VAC14: variants seen among roughly 807,000 people sequenced by gnomAD.
The protein encoded by VAC14 is VAC14 component of PIKFYVE complex, also known as protein VAC14 homolog.
In VAC14, 47 loss-of-function variants were observed where a neutral mutation model predicts 85.3. That is an observed-to-expected ratio of 0.55 (90% CI 0.44 to 0.70). The LOEUF (loss-of-function observed/expected upper bound fraction) is 0.70. VAC14 is among the 30% of genes least tolerant of loss of function. The pLI is 0.00. For missense variants in VAC14, 861 were observed against 1,004.3 expected (o/e 0.86, Z 1.93); for synonymous variants, 447 against 430.5 (o/e 1.04, Z -0.47).
intron 13 of VAC14, 53 bp from the exon 14 acceptor site, chr16:70,731,680 T>A: frequency 6.6e-7 from 1 of 1,507,934 alleles, no homozygotes; most frequent in East Asian, 2.4e-5. Flanking sequence ...GTCCACAGGG[T>A]GATGAGATCC....
At chr16:70,691,995 G>A in intron 18 of VAC14, 1 of 985,040 alleles carries the variant, frequency 1.0e-6, no homozygotes, top group Non-Finnish European at 1.2e-6. Flanking sequence ...TGCAAGCTGG[G>A]CGCGCTCCAT....
Position 70,772,134 on chromosome 16 carries a change from C to CGCTACT in VAC14, c.1129_1134dup (p.Ser377_Ser378dup). On this transcript the variant is annotated inframe_insertion, in exon 10 of 19. Coordinates refer to ENST00000261776, the MANE Select transcript of VAC14 (RefSeq NM_018052.5). Reference sequence around the variant, plus strand: ...CTGGCTGCAGTGAAGACACTGATGCCGCTACTGAAGCTGGAGTCACAGGAA... The same window carrying CGCTACT: ...CTGGCTGCAGTGAAGACACTGATGCCGCTACTGCTACTGAAGCTGGAGTCACAGGAA... 1 of 1,614,066 alleles carries CGCTACT rather than the reference C, an allele frequency of 6.2e-7. No homozygotes were observed. Among genetic ancestry groups the CGCTACT allele is most frequent in the Middle Eastern group, 1.7e-4 (1 of 6,024 alleles).
At chr16:70,750,514 G>A (rs1193781680) in intron 12 of VAC14, among the ~76,000 whole-genome samples, 1 of 152,178 alleles carries the variant, frequency 6.6e-6, no homozygotes, top group Non-Finnish European at 1.5e-5. Flanking sequence ...CATTGGTGGA[G>A]TGAAAGGGTC....
chr16:70,700,622 A>C (rs528689760), intron 14 of VAC14, among the ~76,000 whole-genome samples: 1 of 152,294 alleles, frequency 6.6e-6, no homozygotes, highest in African/African-American at 2.4e-5. Flanking sequence ...CTGGCTGCAG[A>C]GGGAAAGCCC....
At chr16:70,784,309 G>C in intron 4 of VAC14, 89 bp from the exon 5 acceptor site, 1 of 1,040,488 alleles carries the variant, frequency 9.6e-7, no homozygotes, top group Non-Finnish European at 1.5e-6. Context: ...TGGCTCCAGC[G>C]CTCAGGCGGC....
At chr16:70,731,668 G>A in intron 13 of VAC14, 41 bp from the exon 14 acceptor site, 1 of 1,563,544 alleles carries the variant, frequency 6.4e-7, no homozygotes, top group Non-Finnish European at 8.7e-7. Flanking sequence ...TTCTGATTAT[G>A]TGTCCACAGG....
At chr16:70,768,767 C>T (rs865900476) in intron 10 of VAC14, 2 of 451,530 alleles carry the variant, frequency 4.4e-6, no homozygotes, top group African/African-American at 2.0e-5. Context: ...TCCTTGAACC[C>T]CTGAAAGTGA....
At chr16:70,736,572 A>T (rs1374285076) in intron 13 of VAC14, among the ~76,000 whole-genome samples, 1 of 152,182 alleles carries the variant, frequency 6.6e-6, no homozygotes, top group African/African-American at 2.4e-5. Context: ...TGCTCTGGAC[A>T]CAACTCTGAA....
intron 13 of VAC14, 111 bp downstream of exon 13, chr16:70,744,312 G>T: frequency 6.9e-7 from 1 of 1,440,080 alleles, no homozygotes; most frequent in Non-Finnish European, 9.3e-7. Context: ...TCACACCCTG[G>T]CAGAGCTCCA....
At chr16:70,771,342 A>C (rs2033207483) in intron 10 of VAC14, 1 of 152,106 alleles carries the variant, frequency 6.6e-6, no homozygotes. Flanking sequence ...ATTTATCCTT[A>C]ATCTTGGACA....
chr16:70,797,955 C>T (rs1003168009), intron 1 of VAC14, among the ~76,000 whole-genome samples: 16 of 152,202 alleles, frequency 1.1e-4, no homozygotes, highest in African/African-American at 3.1e-4. Context: ...CTTGCAGAAC[C>T]GTGAGCCAAA....
In VAC14 at chr16:70,687,597, T is replaced by C. The variant is rs186262474; in HGVS notation, c.*331A>G. On this transcript the variant is annotated 3_prime_UTR_variant, in exon 19 of 19. Coordinates refer to ENST00000261776, the MANE Select transcript of VAC14 (RefSeq NM_018052.5). The stretch of plus-strand genomic sequence containing the variant: ...TATACACACAAGGCCAGAGCTCTAG[T>C]GTGCTGGAGGAGGGGCAAGCTCTTT... The C allele has an allele frequency of 3.2e-3, 755 of 236,090 alleles. 3 individuals carry two copies. Among genetic ancestry groups the C allele is most frequent in the Non-Finnish European group, 4.7e-3 (570 of 122,470 alleles). The allele number at this position is 236,090 out of a possible 1,614,324, so 14.6% of individuals were successfully genotyped here. A position where few individuals can be genotyped will look rare whatever the true frequency, so the allele number is the denominator to read the frequency against.
intron 1 of VAC14, among the ~76,000 whole-genome samples, chr16:70,789,606 G>C (rs1312582232): frequency 6.6e-6 from 1 of 152,224 alleles, no homozygotes; most frequent in African/African-American, 2.4e-5. Context: ...AATCGTGAGA[G>C]ACTGAATTTG....
chr16:70,691,521 G>A (rs1473014477), intron 18 of VAC14: 1 of 985,288 alleles, frequency 1.0e-6, no homozygotes, highest in African/African-American at 1.7e-5. Flanking sequence ...CCACACATGC[G>A]CCCCCGCTCC....
intron 1 of VAC14, among the ~76,000 whole-genome samples, chr16:70,797,267 G>C (rs1311496666): frequency 6.6e-6 from 1 of 152,114 alleles, no homozygotes; most frequent in Admixed American, 6.6e-5. Context: ...GATGATCCGG[G>C]TAAGTTTTCT....
chr16:70,688,099 A>T lies in VAC14; in HGVS notation c.2187-9T>A, dbSNP rs770550595. 7 of 1,550,872 alleles carry T rather than the reference A, an allele frequency of 4.5e-6. No homozygotes were observed. The highest frequency in any genetic ancestry group is 6.1e-6 in the Non-Finnish European group (7 of 1,141,638). ...CTGCCTTTAGACTGTCTCTGGGAAGAGGGAGCAGAAATGCTCAGTGTCAGG... is the reference window on the plus strand; with the variant it reads ...CTGCCTTTAGACTGTCTCTGGGAAGTGGGAGCAGAAATGCTCAGTGTCAGG... On this transcript the variant is annotated splice_polypyrimidine_tract_variant and intron_variant, in intron 18 of 18. Transcript: ENST00000261776.
At chr16:70,797,332 C>A (rs2034588693) in intron 1 of VAC14, among the ~76,000 whole-genome samples, 4 of 152,094 alleles carry the variant, frequency 2.6e-5, no homozygotes, top group Admixed American at 1.3e-4. Flanking sequence ...TTGGGCCCAC[C>A]TCGATAATAC....
At chr16:70,796,213 G>C in intron 1 of VAC14, among the ~76,000 whole-genome samples, 1 of 152,302 alleles carries the variant, frequency 6.6e-6, no homozygotes, top group Non-Finnish European at 1.5e-5. Context: ...AGTTAGTGTG[G>C]TCACTTAACA....
chr16:70,714,319 AAATAT>A (rs1456095041), intron 14 of VAC14: 1 of 152,268 alleles, frequency 6.6e-6, no homozygotes, highest in African/African-American at 2.4e-5. Context: ...AGGGACTGGG[AAATAT>A]TCACAGACGG....
Sources: gnomAD v4.1 joint callset for allele counts (sites outside exome capture counted in the v4.1 genomes callset) on GRCh38, gnomAD v4.1.1 for gene constraint, MANE v1.5 for transcripts, NCBI Gene and HGNC (gene_info 2026-07-23, HGNC 2026-07-21) for gene names.